COL6A6: variants seen among roughly 807,000 people sequenced by gnomAD.
COL6A6 encodes collagen alpha-6(VI) chain.
A neutral mutation model predicts 208.6 loss-of-function variants in COL6A6; 183 were observed. The observed-to-expected ratio is 0.88, with a 90% CI of 0.78 to 0.99. The LOEUF (loss-of-function observed/expected upper bound fraction) is 0.99, where lower values mean the gene tolerates loss of function less well. COL6A6 is among the 50% of genes least tolerant of loss of function. COL6A6 has a pLI of 0.00. For synonymous variants in COL6A6, 973 were observed against 1,011.8 expected (o/e 0.96, Z 0.73); for missense variants, 2,816 against 2,815.2 (o/e 1.00, Z -0.01).
chr3:130,545,989 A>G (rs184987539), intron 1 of COL6A6, among the ~76,000 whole-genome samples: 1 of 152,062 alleles, frequency 6.6e-6, no homozygotes, highest in East Asian at 1.9e-4. Flanking sequence ...TAGTTGCTCC[A>G]CAATTATCGG....
chr3:130,636,288 T>G (rs2065108964), intron 28 of COL6A6, among the ~76,000 whole-genome samples: 1 of 152,236 alleles, frequency 6.6e-6, no homozygotes, highest in South Asian at 2.1e-4. Context: ...TCTTAGATAT[T>G]GCCTAGTGCT....
At chr3:130,533,205 T>A (rs1361262892) in intron 1 of COL6A6, among the ~76,000 whole-genome samples, 2 of 150,686 alleles carry the variant, frequency 1.3e-5, no homozygotes, top group African/African-American at 2.4e-5. Flanking sequence ...ACAAGTGCAG[T>A]TTGTTGCCTC....
At chr3:130,671,882 G>A (rs2066226465) in intron 36 of COL6A6, among the ~76,000 whole-genome samples, 1 of 152,192 alleles carries the variant, frequency 6.6e-6, no homozygotes, top group African/African-American at 2.4e-5. Context: ...AAACAATAAA[G>A]GCAGAAAGCC....
chr3:130,649,565 A>G lies in COL6A6; in HGVS notation c.5733+3A>G. The G allele has an allele frequency of 6.4e-7, 1 of 1,571,524 alleles. No homozygotes were observed. The highest frequency in any genetic ancestry group is 8.6e-7 in the Non-Finnish European group (1 of 1,159,382). On this transcript the variant is annotated splice_donor_region_variant and intron_variant, in intron 33 of 36. Coordinates refer to ENST00000358511, the MANE Select transcript of COL6A6 (RefSeq NM_001102608.3). ...CCTCGGTCAGGCGCGCATTTGCGGT[A>G]TGAGGATGAAACCTTTCACATGACA...
At chr3:130,657,427 T>C (rs1013955268) in intron 33 of COL6A6, among the ~76,000 whole-genome samples, 1 of 152,196 alleles carries the variant, frequency 6.6e-6, no homozygotes. Context: ...GCAGTGTTTA[T>C]GGATGAAAAT....
intron 33 of COL6A6, among the ~76,000 whole-genome samples, chr3:130,655,928 G>GT (rs1387739836): frequency 6.6e-6 from 1 of 152,220 alleles, no homozygotes; most frequent in Admixed American, 6.5e-5. Context: ...CGAGGGGTGT[G>GT]TGAGCAAGTG....
chr3:130,586,180 G>A (rs774277144), intron 10 of COL6A6, among the ~76,000 whole-genome samples: 1 of 152,106 alleles, frequency 6.6e-6, no homozygotes, highest in Admixed American at 6.5e-5. Flanking sequence ...TGCCCAAGCT[G>A]GATTTTCTTA....
intron 26 of COL6A6, among the ~76,000 whole-genome samples, chr3:130,627,647 A>T (rs1386535284): frequency 6.6e-6 from 1 of 152,214 alleles, no homozygotes; most frequent in African/African-American, 2.4e-5. Flanking sequence ...TGAACAGTGC[A>T]TGTAATCTTA....
At chr3:130,618,545 A>G (rs1367742147) in intron 23 of COL6A6, among the ~76,000 whole-genome samples, 1 of 152,194 alleles carries the variant, frequency 6.6e-6, no homozygotes, top group Non-Finnish European at 1.5e-5. Context: ...ATTCTTTGAT[A>G]TCTTTCTGAG....
chr3:130,546,118 T>G (rs1036866512), intron 1 of COL6A6, among the ~76,000 whole-genome samples: 7 of 152,184 alleles, frequency 4.6e-5, no homozygotes, highest in Non-Finnish European at 1.0e-4. Context: ...CATGGGTTCT[T>G]GGTCTCACTG....
At chr3:130,606,540 CT>C (rs1166271942) in intron 20 of COL6A6, among the ~76,000 whole-genome samples, 1 of 152,128 alleles carries the variant, frequency 6.6e-6, no homozygotes, top group African/African-American at 2.4e-5. Flanking sequence ...TAGTTTACCC[CT>C]GATTCCTGGA....
intron 32 of COL6A6, among the ~76,000 whole-genome samples, chr3:130,646,933 C>CA (rs1318887614): frequency 6.6e-6 from 1 of 152,106 alleles, no homozygotes; most frequent in Non-Finnish European, 1.5e-5. Context: ...ATGTCAAAGC[C>CA]AAAGGCCTAG....
Position 130,641,727 on chromosome 3 carries a change from A to C in COL6A6, c.5154+13A>C. ...TCCTGGACGTAAGGTAAGTAGAAAAACTATAAACCACAGCAGGTCCTTTTC... is the reference window on the plus strand; with the variant it reads ...TCCTGGACGTAAGGTAAGTAGAAAACCTATAAACCACAGCAGGTCCTTTTC... On this transcript the variant is annotated intron_variant, in intron 29 of 36. Coordinates refer to ENST00000358511, the MANE Select transcript of COL6A6 (RefSeq NM_001102608.3). 4 of 1,524,276 alleles carry C rather than the reference A, an allele frequency of 2.6e-6. No homozygotes were observed. The highest frequency in any genetic ancestry group is 3.6e-6 in the Non-Finnish European group (4 of 1,104,264). 94.4% of individuals were successfully genotyped at this position (1,524,276 alleles called of 1,614,324 possible).
chr3:130,531,586 A>C (rs542942090), intron 1 of COL6A6, among the ~76,000 whole-genome samples: 2 of 152,318 alleles, frequency 1.3e-5, no homozygotes, highest in South Asian at 2.1e-4. Flanking sequence ...AGGTGGCTCT[A>C]ATAACCTGCC....
At chr3:130,602,635 G>C (rs1049872860) in intron 20 of COL6A6, among the ~76,000 whole-genome samples, 1 of 152,170 alleles carries the variant, frequency 6.6e-6, no homozygotes, top group African/African-American at 2.4e-5. Context: ...GAAAACAGTA[G>C]AGATGTAAGA....
chr3:130,545,109 A>G (rs1259767603), intron 1 of COL6A6, among the ~76,000 whole-genome samples: 1 of 152,224 alleles, frequency 6.6e-6, no homozygotes, highest in Non-Finnish European at 1.5e-5. Flanking sequence ...ACCAATGTCA[A>G]GAGACTTTTC....
intron 8 of COL6A6, among the ~76,000 whole-genome samples, chr3:130,579,418 C>G (rs1455878826): frequency 6.6e-6 from 1 of 152,086 alleles, no homozygotes; most frequent in Non-Finnish European, 1.5e-5. Flanking sequence ...TTGGCAGTAA[C>G]AGAATGGTGA....
rs567685415 is a variant in COL6A6 at position 130,635,032 on chromosome 3, C to G, written c.5028+407C>G. Among the ~76,000 whole-genome samples, 15 of 152,174 alleles carry G rather than the reference C, an allele frequency of 9.9e-5. No homozygotes were observed. The East Asian group carries it at 2.3e-3, about 24-fold the overall frequency. ...GGTGGATCACTTGAAGTCAGGGATT[C>G]GAGACCAGCCTGGCCAACATGGCAA... On this transcript the variant is annotated intron_variant, in intron 27 of 36. Coordinates refer to ENST00000358511, the MANE Select transcript of COL6A6 (RefSeq NM_001102608.3).
chr3:130,635,777 T>G lies in COL6A6; in HGVS notation c.5091+16T>G. On this transcript the variant is annotated intron_variant, in intron 28 of 36. Coordinates refer to ENST00000358511, the MANE Select transcript of COL6A6 (RefSeq NM_001102608.3). The stretch of plus-strand genomic sequence containing the variant: ...AGGCAAAATGGTAAGCTTCTTAGAT[T>G]CCAATTGCTGACAACCTCACTACAT... The G allele has an allele frequency of 6.3e-7, 1 of 1,597,946 alleles. No homozygotes were observed. The highest frequency in any genetic ancestry group is 8.6e-7 in the Non-Finnish European group (1 of 1,166,300).
Sources: allele counts gnomAD v4.1 joint callset (sites outside exome capture counted in the v4.1 genomes callset), GRCh38; gene constraint gnomAD v4.1.1; transcripts MANE v1.5; gene names NCBI Gene and HGNC (gene_info 2026-07-23, HGNC 2026-07-21).